RELN: variants seen among roughly 807,000 people sequenced by gnomAD.
RELN encodes the protein reelin.
A neutral mutation model predicts 427.6 loss-of-function variants in RELN; 108 were observed. The observed-to-expected ratio is 0.25, with a 90% CI of 0.22 to 0.30. The LOEUF is 0.30. RELN is among the 10% of genes least tolerant of loss of function. The probability of loss-of-function intolerance (pLI) is 1.00; values close to 1 mark genes in which losing one functional copy is unlikely to be tolerated. For synonymous variants in RELN, 1,524 were observed against 1,513.4 expected (o/e 1.01, Z -0.16); for missense variants, 3,715 against 4,302.8 (o/e 0.86, Z 3.82).
intron 8 of RELN, among the ~76,000 whole-genome samples, chr7:103,710,084 G>A (rs2084371676): frequency 2.0e-5 from 3 of 152,180 alleles, no homozygotes; most frequent in African/African-American, 7.2e-5. Context: ...CAACATGTTT[G>A]TCATAGACAG....
chr7:103,541,370 T>C (rs1584277569), intron 43 of RELN, among the ~76,000 whole-genome samples: 1 of 152,222 alleles, frequency 6.6e-6, no homozygotes, highest in Non-Finnish European at 1.5e-5. Context: ...ATGCCGGACA[T>C]AGGAAATATA....
At chr7:103,919,304 G>T (rs1795561342) in intron 1 of RELN, among the ~76,000 whole-genome samples, 1 of 151,914 alleles carries the variant, frequency 6.6e-6, no homozygotes, top group Non-Finnish European at 1.5e-5. Flanking sequence ...TTAACATGCA[G>T]ACCATTTCAG....
chr7:103,935,629 C>A (rs924952604), intron 1 of RELN, among the ~76,000 whole-genome samples: 2 of 152,160 alleles, frequency 1.3e-5, no homozygotes, highest in African/African-American at 4.8e-5. Context: ...TAAGCTCCAG[C>A]TTAACTCCCT....
chr7:103,635,620 T>G (rs777259304), intron 18 of RELN, 34 bp from the exon 19 acceptor site: 1 of 1,555,372 alleles, frequency 6.4e-7, no homozygotes, highest in Non-Finnish European at 8.9e-7. Flanking sequence ...AGTGTATGCA[T>G]AAACATTTTT....
chr7:103,681,741 G>C (rs980993695), intron 11 of RELN, among the ~76,000 whole-genome samples: 1 of 151,934 alleles, frequency 6.6e-6, no homozygotes, highest in Admixed American at 6.6e-5. Flanking sequence ...AAATCAGGTA[G>C]CAGCATCTAT....
chr7:103,935,512 A>G (rs1412398879), intron 1 of RELN, among the ~76,000 whole-genome samples: 1 of 152,050 alleles, frequency 6.6e-6, no homozygotes, highest in East Asian at 1.9e-4. Flanking sequence ...GTATTATTTA[A>G]GACTCTGTCC....
chr7:103,879,497 A>G (rs149040843), intron 2 of RELN, among the ~76,000 whole-genome samples: 295 of 152,292 alleles, frequency 1.9e-3, no homozygotes, highest in African/African-American at 6.6e-3. Flanking sequence ...ACTGGAGGGA[A>G]TATTCAGTCT....
intron 3 of RELN, among the ~76,000 whole-genome samples, chr7:103,827,568 A>G (rs1322331182): frequency 6.6e-6 from 1 of 152,006 alleles, no homozygotes; most frequent in Admixed American, 6.6e-5. Context: ...TGATACATAT[A>G]AGAACACACA....
chr7:103,645,783 C>G (rs1832785141), intron 16 of RELN, among the ~76,000 whole-genome samples: 1 of 151,784 alleles, frequency 6.6e-6, no homozygotes, highest in South Asian at 2.1e-4. Flanking sequence ...GACAAATGAA[C>G]CTAACAGACA....
intron 25 of RELN, among the ~76,000 whole-genome samples, chr7:103,595,552 G>C (rs997960959): frequency 1.3e-5 from 2 of 152,038 alleles, no homozygotes; most frequent in Non-Finnish European, 2.9e-5. Flanking sequence ...TATGCTTTAA[G>C]TAAAATGTTT....
rs368049278 is a variant in RELN at position 103,629,954 on chromosome 7, G to A, written c.2688C>T (p.His896=). The A allele has an allele frequency of 8.7e-6, 14 of 1,603,986 alleles. No individual in the cohort carries two copies. The highest frequency in any genetic ancestry group is 4.0e-5 in the African/African-American group (3 of 74,680). Residue 896 remains histidine (H), a synonymous_variant, in exon 20 of 65, where the codon CAC becomes CAT. Coordinates refer to ENST00000428762, the MANE Select transcript of RELN (RefSeq NM_005045.4). ...YLGNVQPYCG[H]DWTLCFTGDS... ...GAAATCCTTACCAAAGGGTCCAGTC[G>A]TGGCCACAGTATGGCTGAACATTTC...
chr7:103,601,505 T>C (rs1159437088), intron 24 of RELN, among the ~76,000 whole-genome samples: 1 of 152,068 alleles, frequency 6.6e-6, no homozygotes, highest in Non-Finnish European at 1.5e-5. Context: ...ATATCAGCCC[T>C]GTAGCATATC....
chr7:103,514,398 G>A (rs767213014), intron 50 of RELN, among the ~76,000 whole-genome samples: 3 of 152,174 alleles, frequency 2.0e-5, no homozygotes, highest in South Asian at 4.1e-4. Flanking sequence ...GGTGGCTCAC[G>A]CCTGTAATCT....
chr7:103,658,549 C>A (rs1833071372), intron 12 of RELN, among the ~76,000 whole-genome samples: 1 of 151,986 alleles, frequency 6.6e-6, no homozygotes, highest in Non-Finnish European at 1.5e-5. Flanking sequence ...CCTATGCCAC[C>A]CTACCCTATC....
intron 6 of RELN, among the ~76,000 whole-genome samples, chr7:103,734,710 C>A (rs117286095): frequency 6.6e-6 from 1 of 152,112 alleles, no homozygotes; most frequent in African/African-American, 2.4e-5. Flanking sequence ...ATTCAGGTTG[C>A]CTGATTTCTT....
intron 11 of RELN, among the ~76,000 whole-genome samples, chr7:103,670,331 T>C (rs911807463): frequency 1.3e-5 from 2 of 152,124 alleles, no homozygotes; most frequent in Non-Finnish European, 2.9e-5. Flanking sequence ...TTTTAGGAAC[T>C]TACCTTTCAG....
At chr7:103,635,382 G>A in intron 19 of RELN, 43 bp downstream of exon 19, 1 of 1,597,440 alleles carries the variant, frequency 6.3e-7, no homozygotes, top group Non-Finnish European at 8.6e-7. Flanking sequence ...CCCAGGAGAA[G>A]ATTTCACTCT....
At chr7:103,661,060 G>T (rs549242273) in intron 12 of RELN, among the ~76,000 whole-genome samples, 2 of 152,156 alleles carry the variant, frequency 1.3e-5, no homozygotes, top group African/African-American at 2.4e-5. Context: ...CTGGGAAAAA[G>T]AAATCGCTTT....
At chr7:103,902,448 CT>C (rs1221557621) in intron 2 of RELN, among the ~76,000 whole-genome samples, 1 of 152,012 alleles carries the variant, frequency 6.6e-6, no homozygotes, top group Non-Finnish European at 1.5e-5. Context: ...TGGAGAGGAA[CT>C]TTTCTGAAAG....
Sources: allele counts gnomAD v4.1 joint callset (sites outside exome capture counted in the v4.1 genomes callset), GRCh38; gene constraint gnomAD v4.1.1; transcripts MANE v1.5; gene names NCBI Gene and HGNC (gene_info 2026-07-23, HGNC 2026-07-21).